The following NEDD4L variants were observed in gnomAD, a reference collection of about 807,000 sequenced individuals.
NEDD4L encodes the protein E3 ubiquitin-protein ligase NEDD4-like.
Under a neutral mutation model 148.9 loss-of-function variants are expected in NEDD4L, and 54 were observed. The observed-to-expected ratio is 0.36, with a 90% CI of 0.29 to 0.45. The LOEUF (loss-of-function observed/expected upper bound fraction) is 0.45, where lower values mean the gene tolerates loss of function less well. Among genes scored for constraint, NEDD4L ranks in the 20% least tolerant of loss-of-function variants. The pLI, the probability that NEDD4L is intolerant of heterozygous loss-of-function variation, is 1.00. For missense variants in NEDD4L, 856 were observed against 1,233.8 expected, an observed-to-expected ratio of 0.69 and a Z score of 4.59; for synonymous variants, 433 against 440.7, an observed-to-expected ratio of 0.98 and a Z score of 0.22.
At chr18:58,218,981 T>C (rs2043445523) in intron 2 of NEDD4L, among the ~76,000 whole-genome samples, 1 of 152,202 alleles carries the variant, frequency 6.6e-6, no homozygotes, top group Non-Finnish European at 1.5e-5. Flanking sequence ...TGTCCCTAGA[T>C]CATGGCGCTG....
At chr18:58,201,654 G>T (rs4941366) in intron 2 of NEDD4L, among the ~76,000 whole-genome samples, 62,000 of 152,056 alleles carry the variant, frequency 0.41, 14,533 homozygotes, top group African/African-American at 0.64. Flanking sequence ...TATTACGTTC[G>T]TGTATTAAGG....
intron 5 of NEDD4L, among the ~76,000 whole-genome samples, chr18:58,300,660 T>G (rs141691584): frequency 1.6e-4 from 24 of 152,062 alleles, no homozygotes; most frequent in African/African-American, 3.6e-4. Flanking sequence ...ATGCCTGGAG[T>G]TTTTTGCACA....
chr18:58,071,238 A>C (rs928524031), intron 1 of NEDD4L, among the ~76,000 whole-genome samples: 3 of 152,146 alleles, frequency 2.0e-5, no homozygotes, highest in African/African-American at 7.2e-5. Context: ...TGAGCCCAGG[A>C]GTTTGAGGCT....
chr18:58,144,592 G>A (rs1044702825), intron 1 of NEDD4L, among the ~76,000 whole-genome samples: 9 of 152,098 alleles, frequency 5.9e-5, no homozygotes, highest in East Asian at 1.9e-4. Context: ...TCAGAGAGTA[G>A]GACATTTTGT....
rs2042364627 is a variant in NEDD4L, at chr18:58,341,124, C to A, written c.1212C>A (p.Val404=). 1.2e-6 allele frequency: 2 copies of A among 1,612,460 alleles called. No homozygotes were observed. The highest frequency in any genetic ancestry group is 2.2e-5 in the South Asian group (2 of 90,416). Residue 404 remains valine, a synonymous_variant, in exon 14 of 31, where the codon GTC becomes GTA. Coordinates refer to ENST00000400345, the MANE Select transcript of NEDD4L (RefSeq NM_001144967.3). ...ATGCTAAGGGGCGCACATACTATGTCAATCATAACAATCGAACCACAACTT... is the reference window on the plus strand; with the variant it reads ...ATGCTAAGGGGCGCACATACTATGTAAATCATAACAATCGAACCACAACTT... The part of the protein sequence containing the change: ...RKDAKGRTYY[V]NHNNRTTTWT...
intron 2 of NEDD4L, among the ~76,000 whole-genome samples, chr18:58,214,361 T>A (rs141821554): frequency 1.3e-5 from 2 of 152,214 alleles, no homozygotes; most frequent in African/African-American, 4.8e-5. Context: ...AAGATTCTTA[T>A]GACTGTGATA....
intron 23 of NEDD4L, among the ~76,000 whole-genome samples, chr18:58,371,379 T>C (rs1237795656): frequency 1.3e-5 from 2 of 152,048 alleles, no homozygotes; most frequent in Non-Finnish European, 2.9e-5. Context: ...CAAAAATTGA[T>C]GTTCTTTTTA....
At chr18:58,245,663 T>C (rs1426464228) in intron 3 of NEDD4L, among the ~76,000 whole-genome samples, 155 bp downstream of exon 3, 3 of 148,554 alleles carry the variant, frequency 2.0e-5, no homozygotes, top group Non-Finnish European at 4.5e-5. Flanking sequence ...TACAAGTGCA[T>C]CACTTTTTCT....
chr18:58,147,723 G>A (rs937045626), intron 1 of NEDD4L, among the ~76,000 whole-genome samples: 2 of 152,156 alleles, frequency 1.3e-5, no homozygotes, highest in Non-Finnish European at 2.9e-5. Context: ...TGTATTTGCC[G>A]ATTCTATATT....
In NEDD4L at chr18:58,256,018, C is replaced by T. The variant is rs1048523896; in HGVS notation, c.297+3964C>T. The T allele has an allele frequency of 2.4e-6, 3 of 1,230,122 alleles. No individual in the cohort carries two copies. In the African/African-American group the frequency reaches 4.7e-5, roughly 19 times the overall value. 76.2% of individuals were successfully genotyped at this position (1,230,122 alleles called of 1,614,324 possible). A position where few individuals can be genotyped will look rare whatever the true frequency, so the allele number is the denominator to read the frequency against. ...CATGCGCAACGCCCGACCCCAGGGACCAGGCCTCCGCCACTGCCACCACGA... is the reference window on the plus strand; with the variant it reads ...CATGCGCAACGCCCGACCCCAGGGATCAGGCCTCCGCCACTGCCACCACGA... On this transcript the variant is annotated intron_variant, in intron 5 of 30. Coordinates refer to ENST00000400345, the MANE Select transcript of NEDD4L (RefSeq NM_001144967.3). The surrounding 1 kb of genome is among the most constrained non-coding windows in gnomAD (Gnocchi z 5.2).
At chr18:58,050,900 C>T (rs2081838723) in intron 1 of NEDD4L, among the ~76,000 whole-genome samples, 1 of 152,196 alleles carries the variant, frequency 6.6e-6, no homozygotes, top group Admixed American at 6.5e-5. Context: ...TCAGGCATTT[C>T]TTCAATGCAG....
intron 1 of NEDD4L, among the ~76,000 whole-genome samples, chr18:58,157,838 C>T (rs1045235165): frequency 2.6e-5 from 4 of 152,110 alleles, no homozygotes; most frequent in South Asian, 4.1e-4. Flanking sequence ...AGGAAAATCT[C>T]GACTTAGCAA....
intron 11 of NEDD4L, among the ~76,000 whole-genome samples, chr18:58,331,717 G>C (rs2059804164): frequency 6.6e-6 from 1 of 152,116 alleles, no homozygotes; most frequent in African/African-American, 2.4e-5. Context: ...AATAGTAAAT[G>C]ATGATAGTCA....
intron 1 of NEDD4L, among the ~76,000 whole-genome samples, chr18:58,075,742 C>G (rs1315297836): frequency 2.0e-5 from 3 of 152,084 alleles, no homozygotes; most frequent in Non-Finnish European, 4.4e-5. Context: ...CCTGGGCTAA[C>G]ATAGCAAGAC....
At chr18:58,113,000 A>G (rs2085514418) in intron 1 of NEDD4L, among the ~76,000 whole-genome samples, 1 of 152,230 alleles carries the variant, frequency 6.6e-6, no homozygotes, top group Non-Finnish European at 1.5e-5. Flanking sequence ...ATGTGAGGAT[A>G]CAGCAAAGAA....
chr18:58,345,786 G>C (rs1053839805), intron 16 of NEDD4L, among the ~76,000 whole-genome samples: 1 of 151,894 alleles, frequency 6.6e-6, no homozygotes, highest in African/African-American at 2.4e-5. Flanking sequence ...CTCTTGCCCA[G>C]GCTGGAGTGT....
chr18:58,101,599 C>T (rs1457220475), intron 1 of NEDD4L, among the ~76,000 whole-genome samples: 3 of 152,018 alleles, frequency 2.0e-5, no homozygotes, highest in East Asian at 1.9e-4. Context: ...GCCTGCGAGC[C>T]TCCATTTGCA....
chr18:58,243,662 A>G (rs930507803), intron 2 of NEDD4L, among the ~76,000 whole-genome samples: 31 of 152,144 alleles, frequency 2.0e-4, no homozygotes, highest in African/African-American at 7.2e-4. Context: ...GAAGGTGCTT[A>G]TGGGAGCTTT....
chr18:58,245,923 C>T (rs1293837513), intron 3 of NEDD4L, among the ~76,000 whole-genome samples: 6 of 146,542 alleles, frequency 4.1e-5, no homozygotes, highest in African/African-American at 1.5e-4. Flanking sequence ...GCCTTGAACT[C>T]CTGACCTCAG....
Sources: gnomAD v4.1 joint callset for allele counts (sites outside exome capture counted in the v4.1 genomes callset) on GRCh38, gnomAD v4.1.1 for gene constraint, Gnocchi (gnomAD v3.1) non-coding constraint, MANE v1.5 for transcripts, NCBI Gene and HGNC (gene_info 2026-07-23, HGNC 2026-07-21) for gene names.